RAB7A: variants seen among roughly 807,000 people sequenced by gnomAD.
RAB7A encodes the protein ras-related protein Rab-7a.
RAB7A carries 2 observed loss-of-function variants against 24.5 expected under a neutral mutation model. That is an observed-to-expected ratio of 0.08 (90% confidence interval 0.03 to 0.26). RAB7A has a LOEUF of 0.26. Among genes scored for constraint, RAB7A ranks in the 10% least tolerant of loss-of-function variants. The pLI is 1.00. For missense variants in RAB7A, 118 were observed against 255.7 expected, an observed-to-expected ratio of 0.46 and a Z score of 3.67; for synonymous variants, 100 against 95.9, an observed-to-expected ratio of 1.04 and a Z score of -0.25.
intron 1 of RAB7A, among the ~76,000 whole-genome samples, chr3:128,768,599 C>G (rs72988991): frequency 3.3e-5 from 5 of 152,040 alleles, no homozygotes; most frequent in African/African-American, 4.8e-5. Flanking sequence ...CATTCTGTTG[C>G]GCAGGCTGGA....
intron 1 of RAB7A, among the ~76,000 whole-genome samples, chr3:128,771,963 T>TC (rs1334084276): frequency 6.6e-6 from 1 of 152,160 alleles, no homozygotes; most frequent in Non-Finnish European, 1.5e-5. Flanking sequence ...CCAAATACCC[T>TC]CAAAACTCAG....
intron 1 of RAB7A, among the ~76,000 whole-genome samples, chr3:128,774,597 G>A (rs62272590): frequency 0.039 from 5,898 of 151,448 alleles, 209 homozygotes; most frequent in South Asian, 0.13. Flanking sequence ...TTTTTGAGAC[G>A]GAGTCTCGCT....
chr3:128,753,195 A>G (rs1413928696), intron 1 of RAB7A, among the ~76,000 whole-genome samples: 1 of 152,210 alleles, frequency 6.6e-6, no homozygotes, highest in Non-Finnish European at 1.5e-5. Flanking sequence ...GCAAAACTGA[A>G]ATATTGTCAT....
At chr3:128,758,521 C>T (rs1251234345) in intron 1 of RAB7A, among the ~76,000 whole-genome samples, 1 of 151,732 alleles carries the variant, frequency 6.6e-6, no homozygotes, top group Admixed American at 6.6e-5. Context: ...GTGATCCGCC[C>T]GCCTCGGCCT....
At chr3:128,731,041 C>CTCTCT (rs1269608518) in intron 1 of RAB7A, among the ~76,000 whole-genome samples, 1 of 152,202 alleles carries the variant, frequency 6.6e-6, no homozygotes, top group African/African-American at 2.4e-5. Flanking sequence ...AAAGGAAGTT[C>CTCTCT]TCTCTTCTCC....
At chr3:128,759,565 T>A (rs1211084976) in intron 1 of RAB7A, among the ~76,000 whole-genome samples, 2 of 152,240 alleles carry the variant, frequency 1.3e-5, no homozygotes, top group East Asian at 3.8e-4. Flanking sequence ...AGAAGCAAAG[T>A]GTTGTGAAAC....
At chr3:128,752,584 A>G (rs1239051841) in intron 1 of RAB7A, among the ~76,000 whole-genome samples, 2 of 152,128 alleles carry the variant, frequency 1.3e-5, no homozygotes, top group African/African-American at 2.4e-5. Context: ...TGGGCTGTGC[A>G]GACCAAAAAC....
At chr3:128,805,124 T>G (rs1192736993) in intron 3 of RAB7A, among the ~76,000 whole-genome samples, 1 of 148,506 alleles carries the variant, frequency 6.7e-6, no homozygotes, top group Non-Finnish European at 1.5e-5. Flanking sequence ...TTCTTTTGTT[T>G]GTTTGTTTGT....
At chr3:128,795,707 C>T (rs752295644) in intron 2 of RAB7A, among the ~76,000 whole-genome samples, 29 of 145,770 alleles carry the variant, frequency 2.0e-4, no homozygotes, top group Non-Finnish European at 3.0e-4. Context: ...GGGAGTCTTC[C>T]TTACGTAGAT....
At chr3:128,785,645 G>T (rs1303246404) in intron 1 of RAB7A, among the ~76,000 whole-genome samples, 1 of 151,376 alleles carries the variant, frequency 6.6e-6, no homozygotes. Context: ...CTAGCTATTC[G>T]GGAGGCTGAG....
Position 128,726,198 on chromosome 3 carries a change from G to C in RAB7A, c.-170G>C, listed in dbSNP as rs908734802. On this transcript the variant is annotated 5_prime_UTR_variant, in exon 1 of 6. Coordinates refer to ENST00000265062, the MANE Select transcript of RAB7A (RefSeq NM_004637.6). ...GCGGGCCTGGAGTCTTGGCCATAAA[G>C]CCTGAGGCGGCGGCAGCGGCGGAGT... 1.3e-5 allele frequency: 2 copies of C among 154,308 alleles called. No individual in the cohort carries two copies. Among genetic ancestry groups the C allele is most frequent in the Non-Finnish European group, 2.9e-5 (2 of 69,122 alleles). The allele number at this position is 154,308 out of a possible 1,614,324, so 9.6% of individuals were successfully genotyped here.
intron 1 of RAB7A, among the ~76,000 whole-genome samples, chr3:128,778,309 C>A (rs1280665090): frequency 6.6e-6 from 1 of 152,090 alleles, no homozygotes; most frequent in Non-Finnish European, 1.5e-5. Flanking sequence ...CAATTTTTTT[C>A]ATTATTGTAC....
intron 1 of RAB7A, among the ~76,000 whole-genome samples, chr3:128,727,492 C>T (rs565402671): frequency 6.6e-5 from 10 of 152,334 alleles, no homozygotes; most frequent in African/African-American, 2.4e-4. Context: ...CTGGTAGCAT[C>T]AGTTCTCCCT....
intron 1 of RAB7A, among the ~76,000 whole-genome samples, chr3:128,787,579 C>G (rs561062578): frequency 2.0e-5 from 3 of 152,328 alleles, no homozygotes; most frequent in African/African-American, 7.2e-5. Context: ...ACACCTGGTT[C>G]AATTTCATCT....
chr3:128,762,716 G>T (rs1160850314), intron 1 of RAB7A, among the ~76,000 whole-genome samples: 1 of 152,172 alleles, frequency 6.6e-6, no homozygotes, highest in Non-Finnish European at 1.5e-5. Context: ...ATTAGAAGCA[G>T]AATCTGTTTA....
At chr3:128,767,325 C>T (rs544815969) in intron 1 of RAB7A, among the ~76,000 whole-genome samples, 6 of 152,182 alleles carry the variant, frequency 3.9e-5, no homozygotes, top group Admixed American at 3.9e-4. Flanking sequence ...CAAGCAAACA[C>T]ATAGACCTGG....
intron 1 of RAB7A, among the ~76,000 whole-genome samples, chr3:128,730,016 T>C (rs2070418909): frequency 6.6e-6 from 1 of 152,248 alleles, no homozygotes; most frequent in Admixed American, 6.5e-5. Flanking sequence ...TAAGGAAGGC[T>C]ACCATTGTAT....
intron 1 of RAB7A, among the ~76,000 whole-genome samples, chr3:128,729,309 G>A (rs570970159): frequency 6.6e-6 from 1 of 152,232 alleles, no homozygotes; most frequent in African/African-American, 2.4e-5. Context: ...GGTGGCTCAC[G>A]CCTGTAATCC....
At chr3:128,760,926 T>C (rs2070771770) in intron 1 of RAB7A, among the ~76,000 whole-genome samples, 1 of 152,222 alleles carries the variant, frequency 6.6e-6, no homozygotes, top group African/African-American at 2.4e-5. Flanking sequence ...CCCATTTGCC[T>C]GTGGAATCCT....
Sources: allele counts gnomAD v4.1 joint callset (sites outside exome capture counted in the v4.1 genomes callset), GRCh38; gene constraint gnomAD v4.1.1; transcripts MANE v1.5; gene names NCBI Gene and HGNC (gene_info 2026-07-23, HGNC 2026-07-21).